The following PTP4A1 variants were observed in gnomAD, a reference collection of about 807,000 sequenced individuals.
PTP4A1 encodes the protein protein tyrosine phosphatase type IVA 1.
A neutral mutation model predicts 20.5 loss-of-function variants in PTP4A1; 9 were observed. That is an observed-to-expected ratio of 0.44 (90% CI 0.26 to 0.77). The LOEUF is 0.77. Ranked by LOEUF, PTP4A1 falls within the 30% of genes least tolerant of loss-of-function variation. The pLI, the probability that PTP4A1 is intolerant of heterozygous loss-of-function variation, is 0.19. For missense variants in PTP4A1, 137 were observed against 218.8 expected (o/e 0.63, Z 2.36); for synonymous variants, 78 against 67.4 (o/e 1.16, Z -0.77).
At position 63,579,253 on chromosome 6, in the gene PTP4A1, C is replaced by T. The variant is rs758108048; in HGVS notation, c.330-4C>T. 20 of 1,603,178 alleles carry T rather than the reference C, an allele frequency of 1.2e-5. No homozygotes were observed. Among genetic ancestry groups the T allele is most frequent in the Non-Finnish European group, 1.7e-5 (20 of 1,175,530 alleles). ...ACTATTTATCAAAATTCTTACCTCA[C>T]CAGAGCTCCAGTACTTGTTGCCCTA... On this transcript the variant is annotated splice_polypyrimidine_tract_variant and splice_region_variant and intron_variant, in intron 4 of 5. Coordinates refer to ENST00000626021, the MANE Select transcript of PTP4A1 (RefSeq NM_003463.5).
chr6:63,575,184 A>G lies in PTP4A1; in HGVS notation c.-445-1252A>G, dbSNP rs78692629. 3.3e-5 allele frequency among the ~76,000 whole-genome samples: 5 copies of G among 152,350 alleles called. No individual in the cohort carries two copies. The East Asian group carries it at 9.6e-4, about 29-fold the overall frequency. On this transcript the variant is annotated intron_variant, in intron 1 of 5. Transcript: ENST00000626021. The stretch of plus-strand genomic sequence containing the variant: ...AATGGGAGCAGATCGTTTGAATTTT[A>G]ATTTTAAGACTTCAAATGCTTAAAT...
At position 63,526,121 on chromosome 6, in the gene PTP4A1, T is replaced by C. The variant is rs984002506; in HGVS notation, c.-905-1698T>C. On this transcript the variant is annotated intron_variant, in intron 1 of 3. Transcript: ENST00000639568. Reference sequence around the variant, plus strand: ...GGGCAGATCACCTGAAGTCAGGAGTTCAAGACCAGCCTGGCCAACATGGTG... The same window carrying C: ...GGGCAGATCACCTGAAGTCAGGAGTCCAAGACCAGCCTGGCCAACATGGTG... 4.6e-5 allele frequency among the ~76,000 whole-genome samples: 7 copies of C among 151,752 alleles called. No individual in the cohort carries two copies. In the East Asian group the frequency reaches 1.4e-3, roughly 30 times the overall value.
chr6:63,575,483 C>T (rs2149513137), intron 1 of PTP4A1, among the ~76,000 whole-genome samples: 1 of 152,152 alleles, frequency 6.6e-6, no homozygotes, highest in South Asian at 2.1e-4. Flanking sequence ...TGGTTTAGTT[C>T]TTAAGGGGGA....
At chr6:63,521,076 C>G (rs773868399), upstream of PTP4A1, among the ~76,000 whole-genome samples, 1 of 151,836 alleles carries the variant, frequency 6.6e-6, no homozygotes, top group Non-Finnish European at 1.5e-5. Flanking sequence ...TATACTGGGG[C>G]CTGTCACGGG....
At chr6:63,528,066 GA>G (rs1775264550) in exon 2 of PTP4A1, 1 of 152,230 alleles carries the variant, frequency 6.6e-6, no homozygotes. Flanking sequence ...ATGGGAGAAG[GA>G]AGGCAGGCAG....
At chr6:63,574,242 G>A (rs1050668431) in intron 1 of PTP4A1, among the ~76,000 whole-genome samples, 10 of 152,188 alleles carry the variant, frequency 6.6e-5, no homozygotes, top group East Asian at 1.9e-4. Flanking sequence ...TGACAAAGGA[G>A]TTACACACAT....
At chr6:63,531,666 C>CT (rs1298382730) in intron 2 of PTP4A1, among the ~76,000 whole-genome samples, 2 of 151,652 alleles carry the variant, frequency 1.3e-5, no homozygotes, top group Non-Finnish European at 2.9e-5. Flanking sequence ...ATATTTCATA[C>CT]TTTTTTGTAG....
At chr6:63,560,582 TA>T (rs1461113574) in intron 3 of PTP4A1, among the ~76,000 whole-genome samples, 1 of 151,832 alleles carries the variant, frequency 6.6e-6, no homozygotes, top group Non-Finnish European at 1.5e-5. Context: ...GTATTTTTTT[TA>T]AGTAAAGATG....
At chr6:63,526,833 A>ATATATATT (rs1486980690) in intron 1 of PTP4A1, among the ~76,000 whole-genome samples, 46 of 128,026 alleles carry the variant, frequency 3.6e-4, no homozygotes, top group African/African-American at 6.5e-4. Context: ...ATATATATAT[A>ATATATATT]TATTTATTTA....
upstream of PTP4A1, chr6:63,572,320 C>G: frequency 4.2e-6 from 1 of 235,512 alleles, no homozygotes; most frequent in Non-Finnish European, 8.2e-6. Context: ...CATTCATCAA[C>G]CGGTTCACAC....
intron 3 of PTP4A1, among the ~76,000 whole-genome samples, chr6:63,560,347 A>G (rs928854087): frequency 1.3e-4 from 19 of 151,124 alleles, no homozygotes; most frequent in Non-Finnish European, 2.7e-4. Context: ...TCAAAAAAAA[A>G]AAAAAAAAAA....
At chr6:63,518,098 G>A (rs949726309), upstream of PTP4A1, among the ~76,000 whole-genome samples, 3 of 146,134 alleles carry the variant, frequency 2.1e-5, no homozygotes, top group Non-Finnish European at 4.4e-5. Flanking sequence ...GTTGCTGTGA[G>A]CCCAGATAGT....
chr6:63,527,567 T>C (rs939412851), intron 1 of PTP4A1, among the ~76,000 whole-genome samples: 3 of 152,230 alleles, frequency 2.0e-5, no homozygotes, highest in Non-Finnish European at 4.4e-5. Context: ...TTCACTTTTC[T>C]AGATCTGCAT....
chr6:63,547,887 T>C (rs969591891), intron 2 of PTP4A1, among the ~76,000 whole-genome samples: 5 of 152,166 alleles, frequency 3.3e-5, no homozygotes, highest in Non-Finnish European at 5.9e-5. Flanking sequence ...CCAACACTTA[T>C]TTATTTAAAA....
At chr6:63,542,253 G>A (rs542188810) in intron 2 of PTP4A1, among the ~76,000 whole-genome samples, 73 of 152,122 alleles carry the variant, frequency 4.8e-4, no homozygotes, top group African/African-American at 1.7e-3. Flanking sequence ...ATGACACAAT[G>A]GACTTTGGGG....
intron 3 of PTP4A1, among the ~76,000 whole-genome samples, chr6:63,562,171 A>C (rs1172423946): frequency 6.6e-6 from 1 of 151,208 alleles, no homozygotes; most frequent in Non-Finnish European, 1.5e-5. Context: ...TTATTTATTT[A>C]TCTTAAAGAC....
intron 3 of PTP4A1, among the ~76,000 whole-genome samples, chr6:63,557,229 G>A (rs1776730185): frequency 6.6e-6 from 1 of 152,144 alleles, no homozygotes; most frequent in Non-Finnish European, 1.5e-5. Context: ...ACAGGGAATG[G>A]AATACCTGTG....
chr6:63,520,969 A>G (rs779565181), upstream of PTP4A1, among the ~76,000 whole-genome samples: 29 of 152,166 alleles, frequency 1.9e-4, no homozygotes, highest in South Asian at 4.1e-4. Flanking sequence ...CATCCTCAGC[A>G]AACTAACACA....
Position 63,525,794 on chromosome 6 carries a change from A to G in PTP4A1, c.-905-2025A>G, listed in dbSNP as rs527448803. ...CCCCTGTCAGTCCTCCAATATCTAT[A>G]TAACTAAATTTCCCTGTGTAAATTA... On this transcript the variant is annotated intron_variant, in intron 1 of 3. Coordinates refer to the PTP4A1 transcript ENST00000639568. Among the ~76,000 whole-genome samples, 15 of 152,270 alleles carry G rather than the reference A, an allele frequency of 9.9e-5. No homozygotes were observed. In the South Asian group the frequency reaches 3.1e-3, roughly 32 times the overall value.
Sources: gnomAD v4.1 joint callset for allele counts (sites outside exome capture counted in the v4.1 genomes callset) on GRCh38, gnomAD v4.1.1 for gene constraint, MANE v1.5 for transcripts, NCBI Gene and HGNC (gene_info 2026-07-23, HGNC 2026-07-21) for gene names.